The following MCC variants were observed in gnomAD, a reference collection of about 807,000 sequenced individuals.
The protein encoded by MCC is MCC regulator of Wnt signaling pathway.
In MCC, 90 loss-of-function variants were observed where a neutral mutation model predicts 116.2. The ratio of observed to expected loss-of-function variants is 0.77; its 90% CI spans 0.65 to 0.92. The LOEUF is 0.92. Ranked by LOEUF, MCC falls within the 40% of genes least tolerant of loss-of-function variation. The pLI is 0.00. For synonymous variants in MCC, 578 were observed against 510.5 expected (o/e 1.13, Z -1.78); for missense variants, 1,516 against 1,312.2 (o/e 1.16, Z -2.40).
chr5:113,124,593 T>A (rs939168829), intron 5 of MCC, among the ~76,000 whole-genome samples: 3 of 152,228 alleles, frequency 2.0e-5, no homozygotes, highest in African/African-American at 7.2e-5. Flanking sequence ...ATCTCCTGCT[T>A]TGTACAAAAT....
At chr5:113,147,037 G>A (rs1288244456) in intron 4 of MCC, among the ~76,000 whole-genome samples, 1 of 152,106 alleles carries the variant, frequency 6.6e-6, no homozygotes, top group African/African-American at 2.4e-5. Context: ...GATTGACATT[G>A]GATATGACGA....
At chr5:113,395,781 T>C (rs1443519157) in intron 1 of MCC, among the ~76,000 whole-genome samples, 1 of 151,950 alleles carries the variant, frequency 6.6e-6, no homozygotes, top group East Asian at 1.9e-4. Context: ...ACTTTCTATA[T>C]AAATAGATAT....
intron 3 of MCC, among the ~76,000 whole-genome samples, chr5:113,193,088 C>CTCG (rs955041863): frequency 6.6e-6 from 1 of 152,188 alleles, no homozygotes; most frequent in Non-Finnish European, 1.5e-5. Context: ...CATTCCTTGG[C>CTCG]TCGTGGCCCC....
intron 3 of MCC, among the ~76,000 whole-genome samples, chr5:113,295,232 G>T (rs1026234599): frequency 3.3e-5 from 5 of 151,764 alleles, no homozygotes; most frequent in Middle Eastern, 3.2e-3. Context: ...CGCTTTCCAT[G>T]ATTTAATAAG....
At chr5:113,090,697 G>A (rs1345585034) in intron 8 of MCC, among the ~76,000 whole-genome samples, 1 of 152,196 alleles carries the variant, frequency 6.6e-6, no homozygotes, top group African/African-American at 2.4e-5. Flanking sequence ...AGAGCAGGAA[G>A]GACAAGAATG....
chr5:113,203,813 T>C (rs1247134361), intron 3 of MCC, among the ~76,000 whole-genome samples: 1 of 152,224 alleles, frequency 6.6e-6, no homozygotes, highest in Non-Finnish European at 1.5e-5. Flanking sequence ...TTAGATTTCT[T>C]TGCCATAGAT....
intron 1 of MCC, among the ~76,000 whole-genome samples, chr5:113,424,132 T>TACACACACACACACACACACAC (rs547192248): frequency 1.4e-4 from 16 of 112,660 alleles, no homozygotes; most frequent in African/African-American, 4.5e-4. Flanking sequence ...AGTCATCCTC[T>TACACACACACACACACACACAC]ACACACACAC....
At chr5:113,156,411 C>T (rs890202059) in intron 3 of MCC, among the ~76,000 whole-genome samples, 3 of 152,310 alleles carry the variant, frequency 2.0e-5, no homozygotes, top group East Asian at 1.9e-4. Flanking sequence ...ACTCAACAAA[C>T]GGGTTTGTTT....
intron 1 of MCC, among the ~76,000 whole-genome samples, chr5:113,397,389 G>A (rs888563452): frequency 1.3e-5 from 2 of 151,850 alleles, no homozygotes; most frequent in African/African-American, 4.8e-5. Flanking sequence ...GAAACTATTG[G>A]TCTAATTCTC....
rs1561385084 is a variant in MCC at position 113,132,437 on chromosome 5, TATATATACACACACACACACACAC to T, written c.885-9635_885-9612del. The stretch of plus-strand genomic sequence containing the variant: ...ATATATACACACATACATATATATA[TATATATACACACACACACACACAC>T]ACACACACACACACACATACATATA... On this transcript the variant is annotated intron_variant, in intron 5 of 18. Transcript: ENST00000408903. 1.4e-3 allele frequency among the ~76,000 whole-genome samples: 103 copies of T among 75,612 alleles called. 1 individual carries two copies. The highest frequency in any genetic ancestry group is 4.3e-3 in the African/African-American group (97 of 22,462). 49.6% of individuals were successfully genotyped at this position (75,612 alleles called of 152,430 possible).
intron 1 of MCC, among the ~76,000 whole-genome samples, chr5:113,432,189 G>A (rs193155465): frequency 1.5e-4 from 23 of 151,544 alleles, no homozygotes; most frequent in Middle Eastern, 3.4e-3. Flanking sequence ...ATGGTGGCAC[G>A]TGCCTGTAAT....
chr5:113,093,371 G>C (rs1755775783), intron 8 of MCC, among the ~76,000 whole-genome samples: 2 of 152,080 alleles, frequency 1.3e-5, no homozygotes, highest in African/African-American at 4.8e-5. Flanking sequence ...TAGAATTCAA[G>C]GGTCGAGCGC....
intron 3 of MCC, among the ~76,000 whole-genome samples, chr5:113,163,795 G>C (rs976202242): frequency 1.3e-5 from 2 of 152,128 alleles, no homozygotes; most frequent in African/African-American, 4.8e-5. Context: ...ATTTCTGTAA[G>C]TGTAACTACA....
intron 3 of MCC, among the ~76,000 whole-genome samples, chr5:113,197,435 A>C (rs998595563): frequency 6.6e-6 from 1 of 152,180 alleles, no homozygotes; most frequent in African/African-American, 2.4e-5. Flanking sequence ...ATGGACACAC[A>C]ACTCTGAACA....
chr5:113,205,419 G>A (rs553005893), intron 3 of MCC, among the ~76,000 whole-genome samples: 11 of 152,284 alleles, frequency 7.2e-5, no homozygotes, highest in Admixed American at 2.0e-4. Flanking sequence ...TAGAGAAGGT[G>A]GACAAAACAG....
rs539157272 is a variant in MCC at position 113,160,263 on chromosome 5, G to C, written c.628-8841C>G. Among the ~76,000 whole-genome samples the C allele has an allele frequency of 3.3e-5, 5 of 152,284 alleles. No individual in the cohort carries two copies. The South Asian group carries it at 1.0e-3, about 32-fold the overall frequency. On this transcript the variant is annotated intron_variant, in intron 3 of 18. Coordinates refer to ENST00000408903, the MANE Select transcript of MCC (RefSeq NM_001085377.2). ...TAAATGGTTAGGAAATGGCTCCCAA[G>C]GGGGAGAGGTGTCTGAGACTGACAA...
At chr5:113,078,610 T>C (rs559853333) in intron 11 of MCC, among the ~76,000 whole-genome samples, 1 of 152,108 alleles carries the variant, frequency 6.6e-6, no homozygotes, top group Non-Finnish European at 1.5e-5. Flanking sequence ...ATTCAACAGC[T>C]CTTCATGCTA....
intron 3 of MCC, among the ~76,000 whole-genome samples, chr5:113,221,861 G>T (rs746309937): frequency 1.3e-5 from 2 of 151,830 alleles, no homozygotes; most frequent in African/African-American, 4.8e-5. Flanking sequence ...ACTGATTTGA[G>T]TAATAATACA....
intron 3 of MCC, among the ~76,000 whole-genome samples, chr5:113,288,014 A>T (rs1766328615): frequency 6.6e-6 from 1 of 152,168 alleles, no homozygotes. Context: ...TTCATATCAC[A>T]TGTTCTCCTT....
Sources: gnomAD v4.1 joint callset for allele counts (sites outside exome capture counted in the v4.1 genomes callset) on GRCh38, gnomAD v4.1.1 for gene constraint, MANE v1.5 for transcripts, NCBI Gene and HGNC (gene_info 2026-07-23, HGNC 2026-07-21) for gene names.